The following ALDH18A1 variants were observed in gnomAD, a reference collection of about 807,000 sequenced individuals.
The protein encoded by ALDH18A1 is delta-1-pyrroline-5-carboxylate synthase.
ALDH18A1 carries 44 observed loss-of-function variants against 88.8 expected under a neutral mutation model. That is an observed-to-expected ratio of 0.50 (90% CI 0.39 to 0.64). ALDH18A1 has a LOEUF of 0.64. Among genes scored for constraint, ALDH18A1 ranks in the 30% least tolerant of loss-of-function variants. The probability of loss-of-function intolerance (pLI) is 0.00; values close to 1 mark genes in which losing one functional copy is unlikely to be tolerated. For missense variants in ALDH18A1, 782 were observed against 1,009.5 expected, an observed-to-expected ratio of 0.77 and a Z score of 3.05; for synonymous variants, 331 against 372.1, an observed-to-expected ratio of 0.89 and a Z score of 1.27.
chr10:95,620,537 G>A lies in ALDH18A1; in HGVS notation c.1467+494C>T, dbSNP rs147714977. ...GCAAAGACTTGGAACCAACCCAAAC[G>A]TCCATCAATGATAGACTGGATTAAG... is the stretch of plus-strand genomic sequence containing the variant. On this transcript the variant is annotated intron_variant, in intron 12 of 17. Transcript: ENST00000371224. 5.9e-5 allele frequency among the ~76,000 whole-genome samples: 9 copies of A among 152,232 alleles called. No homozygotes were observed. In the East Asian group the frequency reaches 1.2e-3, roughly 20 times the overall value.
intron 9 of ALDH18A1, 78 bp from the exon 10 acceptor site, chr10:95,626,854 C>G: frequency 2.8e-6 from 4 of 1,411,768 alleles, no homozygotes; most frequent in Non-Finnish European, 4.0e-6. Context: ...AGAGAACTAC[C>G]AGCACATGCA....
intron 16 of ALDH18A1, among the ~76,000 whole-genome samples, chr10:95,611,024 G>C (rs1162860129): frequency 1.3e-5 from 2 of 152,174 alleles, no homozygotes; most frequent in Non-Finnish European, 2.9e-5. Context: ...CCTCTGACAG[G>C]GTTAGTCATC....
At chr10:95,629,841 C>T (rs946541287) in intron 7 of ALDH18A1, among the ~76,000 whole-genome samples, 1 of 152,108 alleles carries the variant, frequency 6.6e-6, no homozygotes, top group Non-Finnish European at 1.5e-5. Flanking sequence ...GCCAGTCTAC[C>T]AATGACCCGA....
rs2097918611 is a variant in ALDH18A1, at chr10:95,656,642, C to G, written c.-74G>C. On this transcript the variant is annotated 5_prime_UTR_variant, in exon 1 of 18. Transcript: ENST00000371224. The stretch of plus-strand genomic sequence containing the variant: ...TCGCCCCCTGGCACTACCGCGGGTC[C>G]GCACTCCACGCCGGGCTGATTCCGG... 1 of 152,768 alleles carries G rather than the reference C, an allele frequency of 6.5e-6. No individual in the cohort carries two copies. Among genetic ancestry groups the G allele is most frequent in the Non-Finnish European group, 1.5e-5 (1 of 68,498 alleles). The allele number at this position is 152,768 out of a possible 1,614,324, so 9.5% of individuals were successfully genotyped here.
intron 2 of ALDH18A1, among the ~76,000 whole-genome samples, chr10:95,647,608 T>C (rs961503967): frequency 6.6e-6 from 1 of 152,254 alleles, no homozygotes; most frequent in African/African-American, 2.4e-5. Context: ...GGCAGGACTC[T>C]AATTTGATTG....
At chr10:95,616,331 A>C in intron 13 of ALDH18A1, 146 bp downstream of exon 13, 1 of 1,164,248 alleles carries the variant, frequency 8.6e-7, no homozygotes, top group Non-Finnish European at 1.2e-6. Context: ...AGAATGGCCT[A>C]AAGTCTGAAG....
intron 7 of ALDH18A1, among the ~76,000 whole-genome samples, chr10:95,630,477 C>G (rs773061003): frequency 2.4e-4 from 36 of 152,308 alleles, no homozygotes; most frequent in African/African-American, 8.7e-4. Context: ...CTTTGGGAGG[C>G]CAAGGCAGGA....
At chr10:95,656,325 C>G (rs2097918002) in intron 1 of ALDH18A1, 2 of 152,342 alleles carry the variant, frequency 1.3e-5, no homozygotes, top group Non-Finnish European at 2.9e-5. Flanking sequence ...GGTCAGGGCC[C>G]GTAGCCATCC....
intron 2 of ALDH18A1, among the ~76,000 whole-genome samples, chr10:95,643,707 A>G (rs905836986): frequency 6.6e-6 from 1 of 152,238 alleles, no homozygotes; most frequent in African/African-American, 2.4e-5. Context: ...TTAATATTTT[A>G]TCTCTTGATA....
At chr10:95,618,311 A>T (rs1014580128) in intron 12 of ALDH18A1, among the ~76,000 whole-genome samples, 1 of 152,134 alleles carries the variant, frequency 6.6e-6, no homozygotes, top group East Asian at 1.9e-4. Flanking sequence ...CAACTTGCTT[A>T]AAGAGGGTTG....
rs752064324 is a variant in ALDH18A1, at chr10:95,626,820, C to G, written c.1079-44G>C. 4.4e-6 allele frequency: 7 copies of G among 1,601,650 alleles called. No homozygotes were observed. In the African/African-American group the frequency reaches 9.4e-5, roughly 21 times the overall value. On this transcript the variant is annotated intron_variant, in intron 9 of 17. Transcript: ENST00000371224. Reference sequence around the variant, plus strand: ...ATATCAGGTCATGGTCACCTTAGTTCTCTCTCTAGTTCTACTACTAGAGAG... The same window carrying G: ...ATATCAGGTCATGGTCACCTTAGTTGTCTCTCTAGTTCTACTACTAGAGAG...
rs2097822792 is a variant in ALDH18A1 at position 95,606,422 on chromosome 10, G to C, written c.*340C>G. 8.6e-7 allele frequency: 1 copy of C among 1,168,554 alleles called. No homozygotes were observed. 72.4% of individuals were successfully genotyped at this position (1,168,554 alleles called of 1,614,324 possible). ...CTCTAGTACCAACTAAATGCCAAGGGGGACTGTAAGTCACTGAGGTGACAC... is the reference window on the plus strand; with the variant it reads ...CTCTAGTACCAACTAAATGCCAAGGCGGACTGTAAGTCACTGAGGTGACAC... On this transcript the variant is annotated 3_prime_UTR_variant, in exon 18 of 18. Coordinates refer to ENST00000371224, the MANE Select transcript of ALDH18A1 (RefSeq NM_002860.4).
At position 95,606,211 on chromosome 10, in the gene ALDH18A1, T is replaced by A. The variant is rs2097822340; in HGVS notation, c.*551A>T. 3 of 984,302 alleles carry A rather than the reference T, an allele frequency of 3.0e-6. No homozygotes were observed. The South Asian group carries it at 1.4e-4, about 45-fold the overall frequency. 61.0% of individuals were successfully genotyped at this position (984,302 alleles called of 1,614,324 possible). A position where few individuals can be genotyped will look rare whatever the true frequency, so the allele number is the denominator to read the frequency against. Reference sequence around the variant, plus strand: ...CAAGCATCTGGAATGCTTATTAATTTACCCCACAAATAAATACAAAAGGTC... The same window carrying A: ...CAAGCATCTGGAATGCTTATTAATTAACCCCACAAATAAATACAAAAGGTC... On this transcript the variant is annotated 3_prime_UTR_variant, in exon 18 of 18. Transcript: ENST00000371224.
At chr10:95,635,393 T>C (rs559898466) in intron 5 of ALDH18A1, among the ~76,000 whole-genome samples, 68 of 152,172 alleles carry the variant, frequency 4.5e-4, no homozygotes, top group African/African-American at 1.4e-3. Flanking sequence ...AGCATGAAGG[T>C]AGGAGATAAA....
chr10:95,627,244 G>A (rs1273465236), intron 9 of ALDH18A1, among the ~76,000 whole-genome samples, 198 bp downstream of exon 9: 1 of 148,900 alleles, frequency 6.7e-6, no homozygotes, highest in Non-Finnish European at 1.5e-5. Flanking sequence ...TTTTAACCGA[G>A]TGATTTTGCA....
chr10:95,628,788 G>T, intron 7 of ALDH18A1: 1 of 398,774 alleles, frequency 2.5e-6, no homozygotes, highest in Non-Finnish European at 4.7e-6. Context: ...TTCCTGGCAA[G>T]GTGTCCTTAA....
chr10:95,634,175 G>GCTAC (rs1403914929), intron 5 of ALDH18A1, among the ~76,000 whole-genome samples: 5 of 152,158 alleles, frequency 3.3e-5, no homozygotes, highest in Admixed American at 2.0e-4. Context: ...TCCTCAAAGA[G>GCTAC]CTACCAAATT....
At position 95,615,721 on chromosome 10, in the gene ALDH18A1, C is replaced by T. The variant is rs117212592; in HGVS notation, c.1605+756G>A. Among the ~76,000 whole-genome samples, 29 of 152,206 alleles carry T rather than the reference C, an allele frequency of 1.9e-4. No individual in the cohort carries two copies. The East Asian group carries it at 5.0e-3, about 26-fold the overall frequency. ...TGTAATGAGCAGGTTTGTAGACATC[C>T]TCCCAGTAGCCAACAGAATCCTGGA... On this transcript the variant is annotated intron_variant, in intron 13 of 17. Coordinates refer to ENST00000371224, the MANE Select transcript of ALDH18A1 (RefSeq NM_002860.4).
intron 11 of ALDH18A1, among the ~76,000 whole-genome samples, chr10:95,621,769 G>A (rs2097853049): frequency 6.6e-6 from 1 of 152,108 alleles, no homozygotes; most frequent in Admixed American, 6.6e-5. Context: ...CTTTGTCCCA[G>A]CAATTTCAGT....
Sources: gnomAD v4.1 joint callset for allele counts (sites outside exome capture counted in the v4.1 genomes callset) on GRCh38, gnomAD v4.1.1 for gene constraint, MANE v1.5 for transcripts, NCBI Gene and HGNC (gene_info 2026-07-23, HGNC 2026-07-21) for gene names.